ARHGAP10: variants seen among roughly 807,000 people sequenced by gnomAD.
ARHGAP10 encodes the protein rho GTPase-activating protein 10.
Under a neutral mutation model 108.6 loss-of-function variants are expected in ARHGAP10, and 87 were observed. The observed-to-expected ratio is 0.80, with a 90% confidence interval of 0.67 to 0.96. ARHGAP10 has a LOEUF of 0.96. Among genes scored for constraint, ARHGAP10 ranks in the 40% least tolerant of loss-of-function variants. The probability of loss-of-function intolerance (pLI) is 0.00; values close to 1 mark genes in which losing one functional copy is unlikely to be tolerated. For missense variants in ARHGAP10, 939 were observed against 954.5 expected, an observed-to-expected ratio of 0.98 and a Z score of 0.21; for synonymous variants, 347 against 341.1, an observed-to-expected ratio of 1.02 and a Z score of -0.19.
Position 147,742,476 on chromosome 4 carries a change from C to CTTTT in ARHGAP10, c.154+10042_154+10045dup, listed in dbSNP as rs11420720. ...TTACAGGAGAAATAGTCTGTGAACA[C>CTTTT]TTTTTTTTTTTTTTTTTTTTTTTTG... On this transcript the variant is annotated intron_variant, in intron 1 of 22. Coordinates refer to ENST00000336498, the MANE Select transcript of ARHGAP10 (RefSeq NM_024605.4). 2.3e-3 allele frequency among the ~76,000 whole-genome samples: 200 copies of CTTTT among 86,502 alleles called. 4 individuals are homozygous for CTTTT. Among genetic ancestry groups the CTTTT allele is most frequent in the East Asian group, 3.9e-3 (10 of 2,584 alleles). 56.7% of individuals were successfully genotyped at this position (86,502 alleles called of 152,430 possible).
At chr4:147,749,518 CA>C (rs1224350662) in intron 1 of ARHGAP10, among the ~76,000 whole-genome samples, 3 of 152,032 alleles carry the variant, frequency 2.0e-5, no homozygotes, top group Non-Finnish European at 4.4e-5. Context: ...TACCTTTAAA[CA>C]AAGAAAACAT....
intron 10 of ARHGAP10, among the ~76,000 whole-genome samples, chr4:147,894,929 A>C (rs906120456): frequency 6.6e-6 from 1 of 152,214 alleles, no homozygotes; most frequent in Non-Finnish European, 1.5e-5. Flanking sequence ...CTGTGTCATT[A>C]GTCAGGTGGT....
At chr4:147,888,249 G>A (rs1225140910) in intron 10 of ARHGAP10, among the ~76,000 whole-genome samples, 5 of 152,100 alleles carry the variant, frequency 3.3e-5, no homozygotes, top group South Asian at 2.1e-4. Context: ...TGTGCCATCC[G>A]TATGTTGATA....
At chr4:148,013,591 G>A (rs1372214939) in intron 18 of ARHGAP10, among the ~76,000 whole-genome samples, 1 of 152,170 alleles carries the variant, frequency 6.6e-6, no homozygotes, top group Non-Finnish European at 1.5e-5. Context: ...GGGAGGCTGA[G>A]GCAGGAGAAT....
At chr4:148,064,711 T>C (rs2358183) in intron 22 of ARHGAP10, among the ~76,000 whole-genome samples, 110,443 of 152,016 alleles carry the variant, frequency 0.73, 40,377 homozygotes, top group East Asian at 0.84. Flanking sequence ...CCACTATGCT[T>C]GCTTCTTGAT....
At chr4:147,782,714 C>T (rs1475783928) in intron 1 of ARHGAP10, 1 of 152,158 alleles carries the variant, frequency 6.6e-6, no homozygotes, top group Non-Finnish European at 1.5e-5. Context: ...TCTGAGGGGT[C>T]AGACCAGTTT....
At chr4:147,967,514 G>A (rs186282388) in intron 18 of ARHGAP10, among the ~76,000 whole-genome samples, 14 of 152,336 alleles carry the variant, frequency 9.2e-5, no homozygotes, top group African/African-American at 3.4e-4. Context: ...GGTGATCCAT[G>A]TTGGGGTGAG....
intron 15 of ARHGAP10, 74 bp from the exon 16 acceptor site, chr4:147,955,242 A>G: frequency 1.4e-6 from 2 of 1,382,586 alleles, no homozygotes; most frequent in African/African-American, 1.4e-5. Flanking sequence ...CAAATTTAAC[A>G]TCCTTTCATA....
intron 13 of ARHGAP10, among the ~76,000 whole-genome samples, chr4:147,932,221 G>A (rs1292154497): frequency 6.6e-6 from 1 of 152,150 alleles, no homozygotes; most frequent in Non-Finnish European, 1.5e-5. Context: ...GTGTGAATTA[G>A]TTCAGCCATT....
intron 13 of ARHGAP10, among the ~76,000 whole-genome samples, chr4:147,937,057 T>C (rs1737979735): frequency 6.6e-6 from 1 of 152,192 alleles, no homozygotes; most frequent in Admixed American, 6.5e-5. Flanking sequence ...CTTGAATCAT[T>C]CTGAAACCAT....
chr4:147,933,930 G>C (rs1322074889), intron 13 of ARHGAP10, among the ~76,000 whole-genome samples: 2 of 152,160 alleles, frequency 1.3e-5, no homozygotes, highest in African/African-American at 4.8e-5. Flanking sequence ...GCTGAGCCTG[G>C]GTCCCCTTAG....
chr4:147,798,553 G>T (rs1230154463), intron 1 of ARHGAP10, among the ~76,000 whole-genome samples: 21 of 151,704 alleles, frequency 1.4e-4, no homozygotes, highest in African/African-American at 4.1e-4. Context: ...GCCTAGGTGG[G>T]TGGATCACTT....
At chr4:148,015,092 G>C (rs1044350953) in intron 18 of ARHGAP10, among the ~76,000 whole-genome samples, 3 of 152,084 alleles carry the variant, frequency 2.0e-5, no homozygotes, top group Non-Finnish European at 4.4e-5. Flanking sequence ...CCTGTGACAT[G>C]GTAGAGAGGG....
chr4:147,875,265 T>A, intron 8 of ARHGAP10, 115 bp downstream of exon 8: 4 of 1,166,376 alleles, frequency 3.4e-6, no homozygotes, highest in Middle Eastern at 2.1e-4. Flanking sequence ...CCTCTTTCTC[T>A]CCCTGCTCCT....
At chr4:147,878,830 G>A (rs898688870) in intron 8 of ARHGAP10, among the ~76,000 whole-genome samples, 2 of 142,662 alleles carry the variant, frequency 1.4e-5, no homozygotes, top group Admixed American at 7.3e-5. Flanking sequence ...AGGCTGGAGC[G>A]CAGTGGCGCG....
chr4:148,062,259 G>A (rs1406571142), intron 20 of ARHGAP10, among the ~76,000 whole-genome samples: 1 of 152,160 alleles, frequency 6.6e-6, no homozygotes, highest in Non-Finnish European at 1.5e-5. Flanking sequence ...CTAGTTCTCC[G>A]GCAGGGGAAA....
chr4:147,836,020 C>T lies in ARHGAP10; in HGVS notation c.313-11131C>T, dbSNP rs150249094. Among the ~76,000 whole-genome samples the T allele has an allele frequency of 6.5e-3, 989 of 152,284 alleles. 13 individuals carry two copies. The highest frequency in any genetic ancestry group is 0.022 in the African/African-American group (933 of 41,572). On this transcript the variant is annotated intron_variant, in intron 3 of 22. Coordinates refer to ENST00000336498, the MANE Select transcript of ARHGAP10 (RefSeq NM_024605.4). ...TCAGTAGCTTTTGTTTTATGATTCTCATTTTTTCCTAAGTGTACTTAAAAA... is the reference window on the plus strand; with the variant it reads ...TCAGTAGCTTTTGTTTTATGATTCTTATTTTTTCCTAAGTGTACTTAAAAA...
At chr4:147,847,037 G>A (rs920103857) in intron 3 of ARHGAP10, 114 bp from the exon 4 acceptor site, 53 of 782,630 alleles carry the variant, frequency 6.8e-5, no homozygotes, top group African/African-American at 6.5e-4. Flanking sequence ...AGATAAAGCC[G>A]TTAAATACGT....
intron 18 of ARHGAP10, among the ~76,000 whole-genome samples, chr4:147,995,599 GT>G (rs1394106716): frequency 1.3e-5 from 2 of 152,298 alleles, no homozygotes; most frequent in South Asian, 4.1e-4. Context: ...AGACAGATTT[GT>G]CAGCCTTACA....
Sources: gnomAD v4.1 joint callset for allele counts (sites outside exome capture counted in the v4.1 genomes callset) on GRCh38, gnomAD v4.1.1 for gene constraint, MANE v1.5 for transcripts, NCBI Gene and HGNC (gene_info 2026-07-23, HGNC 2026-07-21) for gene names.